Variants in ZNRF1 observed in about 807,000 individuals in gnomAD.
The protein encoded by ZNRF1 is zinc and ring finger 1.
A neutral mutation model predicts 18.4 loss-of-function variants in ZNRF1; 3 were observed. The ratio of observed to expected loss-of-function variants is 0.16; its 90% confidence interval spans 0.07 to 0.42. ZNRF1 has a LOEUF of 0.42. Among genes scored for constraint, ZNRF1 ranks in the 10% least tolerant of loss-of-function variants. The probability of loss-of-function intolerance (pLI) is 0.99; values close to 1 mark genes in which losing one functional copy is unlikely to be tolerated. For synonymous variants in ZNRF1, 157 were observed against 144.2 expected (o/e 1.09, Z -0.64); for missense variants, 310 against 329.8 (o/e 0.94, Z 0.47).
intron 1 of ZNRF1, among the ~76,000 whole-genome samples, chr16:75,053,401 C>T (rs2035629858): frequency 6.6e-6 from 1 of 151,864 alleles, no homozygotes; most frequent in Non-Finnish European, 1.5e-5. Flanking sequence ...CTAGCCTGGC[C>T]AACATGGTGA....
intron 1 of ZNRF1, among the ~76,000 whole-genome samples, chr16:75,015,791 G>A (rs1003215556): frequency 6.6e-6 from 1 of 152,080 alleles, no homozygotes; most frequent in African/African-American, 2.4e-5. Context: ...ACAGCTCCCA[G>A]CCTATAATTA....
intron 1 of ZNRF1, among the ~76,000 whole-genome samples, chr16:75,034,682 C>T (rs1039199503): frequency 6.6e-6 from 1 of 152,140 alleles, no homozygotes; most frequent in South Asian, 2.1e-4. Context: ...GTCTGGAGTA[C>T]AGTGCATGAT....
At chr16:75,006,269 T>C (rs1418731727) in intron 1 of ZNRF1, among the ~76,000 whole-genome samples, 1 of 152,172 alleles carries the variant, frequency 6.6e-6, no homozygotes, top group East Asian at 1.9e-4. Flanking sequence ...GCTTCAAAAT[T>C]AGAAAAACTT....
intron 1 of ZNRF1, among the ~76,000 whole-genome samples, chr16:75,031,332 A>C (rs1432266453): frequency 6.6e-6 from 1 of 151,628 alleles, no homozygotes; most frequent in Non-Finnish European, 1.5e-5. Context: ...GGGTTTCACC[A>C]TGTTGGTCAG....
chr16:75,064,646 C>T (rs2035780984), intron 1 of ZNRF1, among the ~76,000 whole-genome samples: 1 of 152,086 alleles, frequency 6.6e-6, no homozygotes, highest in Non-Finnish European at 1.5e-5. Context: ...ACCTGCCTGG[C>T]ACGTAGGAGT....
chr16:75,066,755 T>C (rs1003532654), intron 1 of ZNRF1, among the ~76,000 whole-genome samples: 1 of 152,080 alleles, frequency 6.6e-6, no homozygotes, highest in African/African-American at 2.4e-5. Context: ...CCGCCCACCT[T>C]GGCCTCCCAA....
chr16:75,100,755 G>A (rs2036246024), intron 2 of ZNRF1, among the ~76,000 whole-genome samples: 1 of 152,208 alleles, frequency 6.6e-6, no homozygotes, highest in Admixed American at 6.5e-5. Context: ...AGGAAACTAA[G>A]GGCTATAGCC....
chr16:75,059,229 C>CTTTTTTTTTTTTTTCTTTTTT (rs2035709085), intron 1 of ZNRF1, among the ~76,000 whole-genome samples: 1 of 92,878 alleles, frequency 1.1e-5, no homozygotes, highest in Non-Finnish European at 2.1e-5. Context: ...TTCTTTCTTT[C>CTTTTTTTTTTTTTTCTTTTTT]TTTTTTTTTT....
chr16:75,085,733 G>A (rs984690837), intron 1 of ZNRF1, among the ~76,000 whole-genome samples: 2 of 148,962 alleles, frequency 1.3e-5, no homozygotes, highest in East Asian at 2.0e-4. Context: ...TTTTTGTTTG[G>A]TATTTTAATA....
chr16:75,073,115 C>T (rs1162968537), intron 1 of ZNRF1, among the ~76,000 whole-genome samples: 2 of 47,454 alleles, frequency 4.2e-5, no homozygotes, highest in Non-Finnish European at 9.8e-5. Flanking sequence ...ATAGTGAGAC[C>T]CCATCTCTCT....
chr16:75,107,697 C>T (rs764559056), intron 4 of ZNRF1, 36 bp from the exon 5 acceptor site: 8 of 456,126 alleles, frequency 1.8e-5, no homozygotes, highest in South Asian at 6.2e-5. Context: ...GCCCTCGGCC[C>T]GATGGAGCAC....
intron 1 of ZNRF1, among the ~76,000 whole-genome samples, chr16:75,091,423 C>A (rs915044418): frequency 9.9e-5 from 15 of 151,574 alleles, no homozygotes; most frequent in African/African-American, 3.2e-4. Context: ...ATTAAAACTG[C>A]ATATGGAAAA....
chr16:75,040,609 T>G (rs1028776437), intron 1 of ZNRF1, among the ~76,000 whole-genome samples: 1 of 137,500 alleles, frequency 7.3e-6, no homozygotes, highest in Non-Finnish European at 1.6e-5. Flanking sequence ...TTTTTTTTTT[T>G]TTTTTTTTTT....
intron 1 of ZNRF1, among the ~76,000 whole-genome samples, chr16:75,002,878 G>A (rs1049268801): frequency 6.6e-6 from 1 of 152,176 alleles, no homozygotes; most frequent in Non-Finnish European, 1.5e-5. Flanking sequence ...TTCTCTTTCT[G>A]ATCCCTTAGG....
intron 1 of ZNRF1, among the ~76,000 whole-genome samples, chr16:75,030,657 A>G (rs765419528): frequency 1.3e-5 from 2 of 152,016 alleles, no homozygotes; most frequent in Non-Finnish European, 2.9e-5. Context: ...GTTTTCCTCC[A>G]TTTTCCCCTA....
At chr16:75,042,890 A>G (rs757701101) in intron 1 of ZNRF1, among the ~76,000 whole-genome samples, 4 of 152,150 alleles carry the variant, frequency 2.6e-5, no homozygotes, top group Non-Finnish European at 4.4e-5. Context: ...CTGTACACCA[A>G]TGCTTGATGT....
chr16:75,106,259 G>C (rs2036314684), intron 3 of ZNRF1: 1 of 559,786 alleles, frequency 1.8e-6, no homozygotes, highest in Non-Finnish European at 3.2e-6. Flanking sequence ...ATCCCCCTGA[G>C]CCGGTACTGC....
At chr16:75,048,618 T>C (rs1171026284) in intron 1 of ZNRF1, among the ~76,000 whole-genome samples, 3 of 152,336 alleles carry the variant, frequency 2.0e-5, no homozygotes, top group African/African-American at 7.2e-5. Flanking sequence ...TTTTGTAACT[T>C]GTCGGCTCTC....
intron 1 of ZNRF1, among the ~76,000 whole-genome samples, chr16:75,003,864 T>C (rs1426622732): frequency 6.6e-6 from 1 of 152,202 alleles, no homozygotes; most frequent in Non-Finnish European, 1.5e-5. Flanking sequence ...TCTCATGAGA[T>C]AATGTGCACA....
Sources: gnomAD v4.1 joint callset for allele counts (sites outside exome capture counted in the v4.1 genomes callset) on GRCh38, gnomAD v4.1.1 for gene constraint, MANE v1.5 for transcripts, NCBI Gene and HGNC (gene_info 2026-07-23, HGNC 2026-07-21) for gene names.